SUGCT: variants seen among roughly 807,000 people sequenced by gnomAD.
The protein encoded by SUGCT is succinyl-CoA:glutarate CoA-transferase.
In SUGCT, 41 loss-of-function variants were observed where a neutral mutation model predicts 55.0. The observed-to-expected ratio is 0.74, with a 90% CI of 0.58 to 0.97. The LOEUF is 0.97. SUGCT is among the 50% of genes least tolerant of loss of function. SUGCT has a pLI of 0.00. For missense variants in SUGCT, 568 were observed against 547.8 expected (o/e 1.04, Z -0.37); for synonymous variants, 187 against 200.4 (o/e 0.93, Z 0.56).
intron 9 of SUGCT, among the ~76,000 whole-genome samples, chr7:40,390,913 A>C (rs531325857): frequency 6.6e-6 from 1 of 152,352 alleles, no homozygotes; most frequent in African/African-American, 2.4e-5. Flanking sequence ...CCAAAACAGC[A>C]TGGTACTGGT....
At chr7:40,892,564 T>C in the SUGCT span, among the ~76,000 whole-genome samples, 114,623 of 152,112 alleles carry the variant, frequency 0.75, 43,450 homozygotes, top group African/African-American at 0.82. Context: ...GAGAGGGTCT[T>C]GCTTTGTCAC....
At chr7:40,584,782 G>T (rs578096710) in intron 12 of SUGCT, among the ~76,000 whole-genome samples, 1 of 152,126 alleles carries the variant, frequency 6.6e-6, no homozygotes, top group African/African-American at 2.4e-5. Flanking sequence ...CCACTGTGGC[G>T]AACTATTTAC....
At chr7:40,850,529 CTG>C (rs919846694) in intron 13 of SUGCT, among the ~76,000 whole-genome samples, 8 of 152,114 alleles carry the variant, frequency 5.3e-5, no homozygotes, top group African/African-American at 1.9e-4. Context: ...CGTCCTGATG[CTG>C]TTAGAGACAC....
chr7:40,297,853 T>G (rs1377368289), intron 8 of SUGCT, among the ~76,000 whole-genome samples: 1 of 152,128 alleles, frequency 6.6e-6, no homozygotes, highest in Non-Finnish European at 1.5e-5. Flanking sequence ...GAGACGAAAT[T>G]TTTTTCAAGA....
At chr7:40,511,153 T>C (rs1375635594) in intron 12 of SUGCT, among the ~76,000 whole-genome samples, 2 of 152,194 alleles carry the variant, frequency 1.3e-5, no homozygotes, top group East Asian at 1.9e-4. Flanking sequence ...AAGAATCTTA[T>C]AGACATCAGC....
At chr7:40,906,953 C>T in the SUGCT span, among the ~76,000 whole-genome samples, 1 of 152,124 alleles carries the variant, frequency 6.6e-6, no homozygotes, top group Non-Finnish European at 1.5e-5. Flanking sequence ...CATTGCTGGC[C>T]TCCCAGAGAC....
chr7:40,266,070 C>T lies in SUGCT; in HGVS notation c.577-8443C>T, dbSNP rs1791551936. Among the ~76,000 whole-genome samples, 4 of 151,884 alleles carry T rather than the reference C, an allele frequency of 2.6e-5. No individual in the cohort carries two copies. The South Asian group carries it at 8.3e-4, about 32-fold the overall frequency. ...AAAAAAATAAAGAAAAACCACTAAA[C>T]CATTTCTGTCATTTCAAAATTATCA... On this transcript the variant is annotated intron_variant, in intron 7 of 13. Transcript: ENST00000335693.
chr7:40,878,000 G>A, the SUGCT span, among the ~76,000 whole-genome samples: 14 of 152,094 alleles, frequency 9.2e-5, 1 homozygote, highest in Middle Eastern at 9.5e-3. Context: ...TGCCCCAAAT[G>A]TTTCCTTCAC....
intron 12 of SUGCT, among the ~76,000 whole-genome samples, chr7:40,705,966 A>G (rs1032843168): frequency 2.0e-5 from 3 of 152,188 alleles, no homozygotes; most frequent in African/African-American, 7.2e-5. Context: ...TCCATCATCT[A>G]TAAAATGAGA....
intron 1 of SUGCT, among the ~76,000 whole-genome samples, chr7:40,175,960 G>C (rs1784903144): frequency 6.6e-6 from 1 of 152,074 alleles, no homozygotes; most frequent in African/African-American, 2.4e-5. Context: ...GGGCGTGGTG[G>C]CTGGCTCATG....
intron 8 of SUGCT, among the ~76,000 whole-genome samples, chr7:40,304,372 C>T (rs1390347430): frequency 6.6e-6 from 1 of 151,938 alleles, no homozygotes; most frequent in Non-Finnish European, 1.5e-5. Flanking sequence ...AGACTCACCC[C>T]ACTCCCTATT....
the SUGCT span, among the ~76,000 whole-genome samples, chr7:40,928,788 C>G: frequency 4.6e-5 from 7 of 152,016 alleles, no homozygotes; most frequent in Non-Finnish European, 1.0e-4. Context: ...TCAGTAGAGA[C>G]TGGGATTTCA....
intron 13 of SUGCT, among the ~76,000 whole-genome samples, chr7:40,824,589 G>A (rs1420327776): frequency 6.6e-6 from 1 of 152,308 alleles, no homozygotes; most frequent in Non-Finnish European, 1.5e-5. Flanking sequence ...CTCAAGTAAT[G>A]ATTTCTTGCT....
At chr7:40,890,327 A>G in the SUGCT span, among the ~76,000 whole-genome samples, 2 of 126,644 alleles carry the variant, frequency 1.6e-5, no homozygotes, top group African/African-American at 4.1e-5. Context: ...TATATAATAT[A>G]AATATTAATA....
Position 40,860,585 on chromosome 7 carries a change from T to G in SUGCT, c.*106T>G. 8.4e-7 allele frequency: 1 copy of G among 1,194,744 alleles called. No homozygotes were observed. Among genetic ancestry groups the G allele is most frequent in the South Asian group, 2.0e-5 (1 of 50,442 alleles). The allele number at this position is 1,194,744 out of a possible 1,614,324, so 74.0% of individuals were successfully genotyped here. On this transcript the variant is annotated 3_prime_UTR_variant, in exon 14 of 14. Coordinates refer to ENST00000335693, the MANE Select transcript of SUGCT (RefSeq NM_001193313.2). The stretch of plus-strand genomic sequence containing the variant: ...GTTCTGATACCACTAAAAAGAAGAT[T>G]TAGAGTAACTCCAGATTTCTTACAT...
the SUGCT span, among the ~76,000 whole-genome samples, chr7:40,916,257 C>T: frequency 6.6e-6 from 1 of 152,136 alleles, no homozygotes; most frequent in Non-Finnish European, 1.5e-5. Context: ...TCTTCTCAGT[C>T]CACACAGTCT....
intron 9 of SUGCT, among the ~76,000 whole-genome samples, chr7:40,349,009 C>T (rs983835676): frequency 1.2e-4 from 18 of 152,260 alleles, no homozygotes; most frequent in Middle Eastern, 3.4e-3. Flanking sequence ...ACCTGGAGGA[C>T]TCTGTTCTCT....
chr7:40,384,800 C>T (rs544275360), intron 9 of SUGCT, among the ~76,000 whole-genome samples: 14 of 152,080 alleles, frequency 9.2e-5, no homozygotes, highest in Middle Eastern at 3.4e-3. Flanking sequence ...GTGCCTTGGC[C>T]TCCCAAAGTG....
chr7:40,695,712 G>T (rs971988269), intron 12 of SUGCT, among the ~76,000 whole-genome samples: 1 of 151,998 alleles, frequency 6.6e-6, no homozygotes, highest in Non-Finnish European at 1.5e-5. Context: ...TTTAGTGTTG[G>T]CACTACTGAC....
Sources: allele counts gnomAD v4.1 joint callset (sites outside exome capture counted in the v4.1 genomes callset), GRCh38; gene constraint gnomAD v4.1.1; transcripts MANE v1.5; gene names NCBI Gene and HGNC (gene_info 2026-07-23, HGNC 2026-07-21).